EPB41L2: variants seen among roughly 807,000 people sequenced by gnomAD.
EPB41L2 encodes band 4.1-like protein 2.
EPB41L2 carries 43 observed loss-of-function variants against 113.0 expected under a neutral mutation model. The observed-to-expected ratio is 0.38, with a 90% CI of 0.30 to 0.49. The LOEUF is 0.49. Ranked by LOEUF, EPB41L2 falls within the 20% of genes least tolerant of loss-of-function variation. The probability of loss-of-function intolerance (pLI) is 0.95; values close to 1 mark genes in which losing one functional copy is unlikely to be tolerated. For synonymous variants in EPB41L2, 442 were observed against 436.7 expected (o/e 1.01, Z -0.15); for missense variants, 1,147 against 1,223.4 (o/e 0.94, Z 0.93).
In EPB41L2 at chr6:130,969,388, G is replaced by A. The variant is rs1252838477; in HGVS notation, c.-14-12889C>T. 2.6e-5 allele frequency among the ~76,000 whole-genome samples: 4 copies of A among 152,102 alleles called. No homozygotes were observed. The South Asian group carries it at 8.3e-4, about 32-fold the overall frequency. On this transcript the variant is annotated intron_variant, in intron 1 of 19. Transcript: ENST00000337057. ...CTGTTTTTCATTTTGTCAGTAAGTC[G>A]CAATGAAGCAAGGATCTTTTTAAAG...
intron 1 of EPB41L2, among the ~76,000 whole-genome samples, chr6:131,010,200 C>T (rs1786583464): frequency 6.6e-6 from 1 of 152,136 alleles, no homozygotes. Flanking sequence ...GCATATAAAC[C>T]CCAGAGTAAA....
At chr6:131,024,782 G>A (rs940514263) in intron 1 of EPB41L2, among the ~76,000 whole-genome samples, 2 of 152,118 alleles carry the variant, frequency 1.3e-5, no homozygotes, top group Admixed American at 1.3e-4. Context: ...CCTTCTCTGA[G>A]GAACTGATAC....
At chr6:131,037,355 C>T (rs920271508) in intron 1 of EPB41L2, among the ~76,000 whole-genome samples, 5 of 152,054 alleles carry the variant, frequency 3.3e-5, no homozygotes, top group Admixed American at 6.6e-5. Context: ...GAGGTATTAA[C>T]GCTACTTGTG....
At position 130,982,859 on chromosome 6, in the gene EPB41L2, C is replaced by T. The variant is rs1779692430; in HGVS notation, c.-14-26360G>A. Among the ~76,000 whole-genome samples the T allele has an allele frequency of 2.0e-5, 3 of 152,160 alleles. No homozygotes were observed. In the South Asian group the frequency reaches 6.2e-4, roughly 32 times the overall value. ...AATGAGGCTCGGAGAAATTAAATAA[C>T]TTCCCTTAATAAGCATAAAATGCAA... On this transcript the variant is annotated intron_variant, in intron 1 of 19. Coordinates refer to ENST00000337057, the MANE Select transcript of EPB41L2 (RefSeq NM_001431.4).
At chr6:130,931,223 A>C (rs1163153513) in intron 3 of EPB41L2, among the ~76,000 whole-genome samples, 1 of 152,206 alleles carries the variant, frequency 6.6e-6, no homozygotes, top group East Asian at 1.9e-4. Context: ...CAAAATTAAT[A>C]AAATTTATTA....
At chr6:130,982,175 C>T (rs1008813505) in intron 1 of EPB41L2, among the ~76,000 whole-genome samples, 1 of 151,024 alleles carries the variant, frequency 6.6e-6, no homozygotes, top group Non-Finnish European at 1.5e-5. Flanking sequence ...TTTAGGAAAC[C>T]AAATCAATGC....
chr6:130,973,210 TAA>T (rs1777352216), intron 1 of EPB41L2, among the ~76,000 whole-genome samples: 1 of 152,144 alleles, frequency 6.6e-6, no homozygotes, highest in African/African-American at 2.4e-5. Context: ...TTTATTTTGG[TAA>T]AAGTTTCCAT....
intron 5 of EPB41L2, 54 bp downstream of exon 5, chr6:130,908,767 A>G (rs996705898): frequency 6.5e-6 from 9 of 1,385,666 alleles, no homozygotes; most frequent in Non-Finnish European, 9.0e-6. Flanking sequence ...CATTTATATC[A>G]CAAATAGATA....
chr6:130,997,167 C>T (rs536577278), intron 1 of EPB41L2, among the ~76,000 whole-genome samples: 1 of 152,290 alleles, frequency 6.6e-6, no homozygotes, highest in African/African-American at 2.4e-5. Context: ...TAGATTTGAA[C>T]TGGATTTAAA....
intron 4 of EPB41L2, among the ~76,000 whole-genome samples, chr6:130,924,138 C>T (rs987703717): frequency 6.6e-6 from 1 of 152,138 alleles, no homozygotes; most frequent in Admixed American, 6.5e-5. Flanking sequence ...ATCCATGATA[C>T]AACATGTGAC....
At chr6:130,906,471 C>T (rs1478697160) in intron 5 of EPB41L2, among the ~76,000 whole-genome samples, 4 of 152,182 alleles carry the variant, frequency 2.6e-5, no homozygotes, top group African/African-American at 7.2e-5. Flanking sequence ...TTAAAATCTA[C>T]TCCCTTAGCA....
At chr6:130,907,496 C>CT (rs1368824974) in intron 5 of EPB41L2, among the ~76,000 whole-genome samples, 1 of 152,130 alleles carries the variant, frequency 6.6e-6, no homozygotes, top group African/African-American at 2.4e-5. Flanking sequence ...TCCAGCCTGC[C>CT]TGGGACTGGT....
chr6:131,038,490 T>A (rs1279866391), intron 1 of EPB41L2, among the ~76,000 whole-genome samples: 1 of 152,226 alleles, frequency 6.6e-6, no homozygotes, highest in Non-Finnish European at 1.5e-5. Context: ...ACACATTTTT[T>A]AAATGCTGGT....
chr6:131,006,971 CT>C (rs1338153160), intron 1 of EPB41L2, among the ~76,000 whole-genome samples: 1 of 152,164 alleles, frequency 6.6e-6, no homozygotes, highest in Non-Finnish European at 1.5e-5. Context: ...ATCTTAACTC[CT>C]TTGCCCCTCC....
intron 3 of EPB41L2, among the ~76,000 whole-genome samples, chr6:130,934,811 T>A (rs1182427983): frequency 3.3e-5 from 5 of 151,146 alleles, no homozygotes; most frequent in African/African-American, 9.7e-5. Flanking sequence ...TTTTTTTTTT[T>A]TGTAACTGAA....
At chr6:131,001,383 CAG>C (rs1460739997) in intron 1 of EPB41L2, among the ~76,000 whole-genome samples, 1 of 152,148 alleles carries the variant, frequency 6.6e-6, no homozygotes, top group Non-Finnish European at 1.5e-5. Flanking sequence ...TCAGTCAAAA[CAG>C]AGATTCTTTA....
intron 1 of EPB41L2, among the ~76,000 whole-genome samples, chr6:130,987,638 A>G (rs892617450): frequency 3.3e-5 from 5 of 152,116 alleles, no homozygotes; most frequent in African/African-American, 9.7e-5. Context: ...GGCTGCAGTA[A>G]GCCGAGATCG....
chr6:130,943,618 T>C (rs1734006448), intron 3 of EPB41L2, among the ~76,000 whole-genome samples: 1 of 152,230 alleles, frequency 6.6e-6, no homozygotes, highest in African/African-American at 2.4e-5. Flanking sequence ...CTTTCAAGTT[T>C]AATGCTTTTA....
chr6:130,917,731 C>G (rs972762714), intron 4 of EPB41L2, among the ~76,000 whole-genome samples: 5 of 152,186 alleles, frequency 3.3e-5, no homozygotes, highest in Non-Finnish European at 5.9e-5. Context: ...ACCATTTTAA[C>G]AAGTGTTAGA....
Sources: allele counts gnomAD v4.1 joint callset (sites outside exome capture counted in the v4.1 genomes callset), GRCh38; gene constraint gnomAD v4.1.1; transcripts MANE v1.5; gene names NCBI Gene and HGNC (gene_info 2026-07-23, HGNC 2026-07-21).